The following PRKN variants were observed in gnomAD, a reference collection of about 807,000 sequenced individuals.
The protein encoded by PRKN is parkin RBR E3 ubiquitin protein ligase, also known as E3 ubiquitin-protein ligase parkin.
A neutral mutation model predicts 59.5 loss-of-function variants in PRKN; 56 were observed. The observed-to-expected ratio is 0.94, with a 90% CI of 0.76 to 1.18. The LOEUF is 1.18. Ranked by LOEUF, PRKN falls within the 50% of genes most tolerant of loss-of-function variation. PRKN has a pLI of 0.00. For missense variants in PRKN, 657 were observed against 596.4 expected (o/e 1.10, Z -1.06); for synonymous variants, 250 against 222.1 (o/e 1.13, Z -1.12).
intron 4 of PRKN, among the ~76,000 whole-genome samples, chr6:162,089,786 G>A (rs980246740): frequency 3.9e-5 from 6 of 152,146 alleles, no homozygotes; most frequent in Admixed American, 3.9e-4. Flanking sequence ...AGTCACAGAA[G>A]ACCACGTATT....
chr6:161,641,348 T>A (rs1402959417), intron 7 of PRKN, among the ~76,000 whole-genome samples: 1 of 152,250 alleles, frequency 6.6e-6, no homozygotes, highest in Non-Finnish European at 1.5e-5. Context: ...GAGATTTTGC[T>A]GACCCTGCAT....
chr6:162,433,264 T>A (rs542027921), intron 2 of PRKN, among the ~76,000 whole-genome samples: 3 of 152,330 alleles, frequency 2.0e-5, no homozygotes, highest in Non-Finnish European at 4.4e-5. Context: ...TATTACTATC[T>A]ACACTTCATA....
intron 5 of PRKN, 71 bp from the exon 6 acceptor site, chr6:161,973,488 G>T: frequency 1.2e-6 from 1 of 818,594 alleles, no homozygotes; most frequent in Non-Finnish European, 2.1e-6. Context: ...TGTTTCCACA[G>T]TAAACAATCT....
chr6:162,181,653 A>G (rs1783809198), intron 4 of PRKN, among the ~76,000 whole-genome samples: 1 of 152,182 alleles, frequency 6.6e-6, no homozygotes, highest in Admixed American at 6.5e-5. Context: ...CACAAAGAGA[A>G]ACATGGGGAG....
chr6:162,579,416 GCACA>G (rs35480393), intron 1 of PRKN, among the ~76,000 whole-genome samples: 7 of 150,090 alleles, frequency 4.7e-5, no homozygotes, highest in East Asian at 2.0e-4. Context: ...ACAAGTTCAT[GCACA>G]CACACACACA....
chr6:161,956,749 T>G (rs569166636), intron 6 of PRKN, among the ~76,000 whole-genome samples: 1 of 152,320 alleles, frequency 6.6e-6, no homozygotes, highest in African/African-American at 2.4e-5. Flanking sequence ...AGATTAGAGT[T>G]GAACAGTGAC....
At chr6:161,509,158 T>TA (rs1051765322) in intron 9 of PRKN, among the ~76,000 whole-genome samples, 3 of 152,044 alleles carry the variant, frequency 2.0e-5, no homozygotes, top group Non-Finnish European at 4.4e-5. Flanking sequence ...GTTATGATTC[T>TA]ATGACAACAT....
chr6:162,554,765 C>T (rs376790538), intron 1 of PRKN, among the ~76,000 whole-genome samples: 1 of 152,110 alleles, frequency 6.6e-6, no homozygotes, highest in African/African-American at 2.4e-5. Context: ...TACATTGGGA[C>T]GGCCTCCAGA....
chr6:162,401,679 G>T (rs921949526), intron 2 of PRKN, among the ~76,000 whole-genome samples: 2 of 151,926 alleles, frequency 1.3e-5, no homozygotes, highest in Non-Finnish European at 2.9e-5. Flanking sequence ...TCATCTTTAA[G>T]CAATAAACTT....
intron 9 of PRKN, among the ~76,000 whole-genome samples, chr6:161,512,978 C>T (rs915550066): frequency 2.6e-5 from 4 of 152,128 alleles, no homozygotes; most frequent in Non-Finnish European, 5.9e-5. Flanking sequence ...CATACATTAA[C>T]CTGCCTTCCT....
chr6:162,162,119 G>A (rs1782785076), intron 4 of PRKN, among the ~76,000 whole-genome samples: 1 of 152,106 alleles, frequency 6.6e-6, no homozygotes, highest in Non-Finnish European at 1.5e-5. Flanking sequence ...GTCTCACTCT[G>A]TCGCCCAAGC....
chr6:161,855,469 A>G (rs564723964), intron 6 of PRKN, among the ~76,000 whole-genome samples: 1 of 152,318 alleles, frequency 6.6e-6, no homozygotes, highest in African/African-American at 2.4e-5. Flanking sequence ...TCATTTACTT[A>G]TTGCACACAT....
At chr6:161,966,268 TA>T (rs113003442) in intron 6 of PRKN, among the ~76,000 whole-genome samples, 1 of 151,862 alleles carries the variant, frequency 6.6e-6, no homozygotes, top group Admixed American at 6.6e-5. Context: ...TTGGGTATGA[TA>T]AAAAAAATCA....
chr6:162,188,375 C>A (rs1784116501), intron 4 of PRKN, among the ~76,000 whole-genome samples: 1 of 152,112 alleles, frequency 6.6e-6, no homozygotes, highest in African/African-American at 2.4e-5. Context: ...CACCTGCTCG[C>A]TCTGAATTGT....
At chr6:162,665,489 C>G (rs1779066068) in intron 1 of PRKN, among the ~76,000 whole-genome samples, 1 of 151,910 alleles carries the variant, frequency 6.6e-6, no homozygotes, top group East Asian at 1.9e-4. Flanking sequence ...ATGTGAAGGA[C>G]CTCTTCAAGG....
chr6:162,544,719 C>T (rs542000849), intron 1 of PRKN, among the ~76,000 whole-genome samples: 1 of 141,884 alleles, frequency 7.0e-6, no homozygotes, highest in Non-Finnish European at 1.5e-5. Context: ...GCTCTGTCAC[C>T]CAAGCTGGAG....
chr6:161,904,309 GTTTTTTTTT>G (rs1025317025), intron 6 of PRKN, among the ~76,000 whole-genome samples: 109 of 72,570 alleles, frequency 1.5e-3, no homozygotes, highest in Non-Finnish European at 2.1e-3. Flanking sequence ...AATTTGTGGG[GTTTTTTTTT>G]TTTTTTTTTT....
At chr6:162,048,801 G>A (rs544033943) in intron 5 of PRKN, among the ~76,000 whole-genome samples, 10 of 151,624 alleles carry the variant, frequency 6.6e-5, no homozygotes, top group African/African-American at 1.9e-4. Flanking sequence ...GGCTGCATAC[G>A]GTGCCGTGGG....
chr6:161,504,260 T>C (rs750595598), intron 9 of PRKN, among the ~76,000 whole-genome samples: 1 of 152,178 alleles, frequency 6.6e-6, no homozygotes. Context: ...CAGCGTTATC[T>C]GCACCTCAGA....
Sources: gnomAD v4.1 joint callset for allele counts (sites outside exome capture counted in the v4.1 genomes callset) on GRCh38, gnomAD v4.1.1 for gene constraint, MANE v1.5 for transcripts, NCBI Gene and HGNC (gene_info 2026-07-23, HGNC 2026-07-21) for gene names.